Variants in MUC4 observed in about 807,000 individuals in gnomAD.
The protein encoded by MUC4 is mucin 4, cell surface associated.
In MUC4, 202 loss-of-function variants were observed where a neutral mutation model predicts 257.9. The ratio of observed to expected loss-of-function variants is 0.78; its 90% confidence interval spans 0.70 to 0.88. The LOEUF (loss-of-function observed/expected upper bound fraction) is 0.88, where lower values mean the gene tolerates loss of function less well. Ranked by LOEUF, MUC4 falls within the 40% of genes least tolerant of loss-of-function variation. The pLI is 0.00. For missense variants in MUC4, 5,976 were observed against 6,513.7 expected (o/e 0.92, Z 2.84); for synonymous variants, 2,351 against 2,757.1 (o/e 0.85, Z 4.62).
intron 1 of MUC4, 65 bp downstream of exon 1, chr3:195,811,671 T>A: frequency 6.7e-7 from 1 of 1,487,790 alleles, no homozygotes; most frequent in Non-Finnish European, 9.4e-7. Context: ...CCTCTTTCTC[T>A]GACAGCTCCC....
At chr3:195,795,337 A>G (rs987501994) in intron 1 of MUC4, among the ~76,000 whole-genome samples, 12 of 152,186 alleles carry the variant, frequency 7.9e-5, no homozygotes, top group African/African-American at 1.2e-4. Flanking sequence ...AAGTTTCATG[A>G]CAGCACCGTC....
At chr3:195,759,442 C>G (rs971045844) in intron 16 of MUC4, among the ~76,000 whole-genome samples, 181 bp from the exon 17 acceptor site, 4 of 152,152 alleles carry the variant, frequency 2.6e-5, no homozygotes, top group African/African-American at 9.7e-5. Flanking sequence ...GACTGTACTG[C>G]CCACCTAGCC....
intron 16 of MUC4, among the ~76,000 whole-genome samples, chr3:195,759,568 T>G (rs1577980694): frequency 6.6e-6 from 1 of 152,172 alleles, no homozygotes; most frequent in East Asian, 1.9e-4. Context: ...AGCAGATTTG[T>G]TTGGACCATT....
chr3:195,811,335 G>A (rs1185225533), intron 1 of MUC4, among the ~76,000 whole-genome samples: 6 of 151,954 alleles, frequency 3.9e-5, no homozygotes, highest in South Asian at 2.1e-4. Context: ...CACCACGACC[G>A]GCTAATTTTT....
chr3:195,755,978 A>T lies in MUC4; in HGVS notation c.15168+1169T>A, dbSNP rs1717572731. On this transcript the variant is annotated intron_variant, in intron 18 of 24. Coordinates refer to ENST00000463781, the MANE Select transcript of MUC4 (RefSeq NM_018406.7). This position sits in a 1 kb window ranked among gnomAD's most constrained non-coding sequence, Gnocchi z 5.0. Reference sequence around the variant, plus strand: ...TTACAACCAAAAATAAAAATAAAAAAGCAGATAGGACAAGAGTCGTGGAAT... The same window carrying T: ...TTACAACCAAAAATAAAAATAAAAATGCAGATAGGACAAGAGTCGTGGAAT... Among the ~76,000 whole-genome samples the T allele has an allele frequency of 6.6e-6, 1 of 152,222 alleles. No homozygotes were observed. The highest frequency in any genetic ancestry group is 2.1e-4 in the South Asian group (1 of 4,828).
At chr3:195,756,575 C>T (rs1410046954) in intron 18 of MUC4, among the ~76,000 whole-genome samples, 1 of 151,246 alleles carries the variant, frequency 6.6e-6, no homozygotes, top group Non-Finnish European at 1.5e-5. Flanking sequence ...TTCTTTCTTT[C>T]TTTCTTTTTC....
At chr3:195,767,228 T>C (rs1258567026) in intron 7 of MUC4, among the ~76,000 whole-genome samples, 9 of 152,102 alleles carry the variant, frequency 5.9e-5, no homozygotes, top group African/African-American at 2.2e-4. Flanking sequence ...CTCTGATTCT[T>C]AGTTTTCACA....
chr3:195,795,843 GGGA>G (rs201174587), intron 1 of MUC4, among the ~76,000 whole-genome samples: 1,505 of 60,406 alleles, frequency 0.025, 75 homozygotes, highest in African/African-American at 0.085. Flanking sequence ...AAGAAAGTGG[GGGA>G]GGGGGGTGGG....
At chr3:195,802,689 C>G (rs960511462) in intron 1 of MUC4, among the ~76,000 whole-genome samples, 2 of 152,128 alleles carry the variant, frequency 1.3e-5, no homozygotes, top group Non-Finnish European at 1.5e-5. Context: ...CAAGAATGAC[C>G]TTCGTCTGGT....
chr3:195,775,950 C>A (rs1486534753), intron 3 of MUC4, among the ~76,000 whole-genome samples: 3 of 36,504 alleles, frequency 8.2e-5, no homozygotes, highest in Non-Finnish European at 1.0e-4. Context: ...CCTTCCACAC[C>A]CATACCTTCC....
chr3:195,754,134 G>A (rs1277504133), intron 19 of MUC4, 79 bp downstream of exon 19: 1 of 1,475,776 alleles, frequency 6.8e-7, no homozygotes, highest in Non-Finnish European at 9.1e-7. Flanking sequence ...GAGAGAAATG[G>A]TTTGCCTTTG....
intron 1 of MUC4, among the ~76,000 whole-genome samples, chr3:195,798,429 C>A (rs3096343): frequency 0.46 from 69,463 of 152,006 alleles, 17,587 homozygotes; most frequent in East Asian, 0.75. Context: ...TTAGGCCAGG[C>A]GTGGTGGCTC....
chr3:195,767,677 ACCATCAC>A lies in MUC4; in HGVS notation c.13530-933_13530-927del, dbSNP rs1721374129. ...CACCACCACCACCATCACCATCACC[ACCATCAC>A]TGGCCACCCCCCAAAAAATACCACC... On this transcript the variant is annotated intron_variant, in intron 7 of 24. Transcript: ENST00000463781. Among the ~76,000 whole-genome samples, 2 of 3,792 alleles carry A rather than the reference ACCATCAC, an allele frequency of 5.3e-4. 1 individual carries two copies. Among genetic ancestry groups the A allele is most frequent in the Non-Finnish European group, 8.8e-4 (2 of 2,260 alleles). The allele number at this position is 3,792 out of a possible 152,430, so 2.5% of individuals were successfully genotyped here.
At chr3:195,778,221 G>T in intron 3 of MUC4, 82 bp downstream of exon 3, 1 of 1,477,496 alleles carries the variant, frequency 6.8e-7, no homozygotes, top group Non-Finnish European at 9.1e-7. Flanking sequence ...CGAGAGAGCG[G>T]AGACTGTGGG....
At chr3:195,802,663 G>T (rs977908533) in intron 1 of MUC4, among the ~76,000 whole-genome samples, 1 of 152,176 alleles carries the variant, frequency 6.6e-6, no homozygotes, top group Non-Finnish European at 1.5e-5. Flanking sequence ...AGAATCCTCA[G>T]AGGGAGGCCA....
At chr3:195,749,149 T>C (rs1404918689) in intron 23 of MUC4, 85 bp from the exon 24 acceptor site, 2 of 1,506,858 alleles carry the variant, frequency 1.3e-6, no homozygotes, top group African/African-American at 2.8e-5. Flanking sequence ...CCTTTTCGGG[T>C]GTTTATCCTG....
chr3:195,754,807 T>C (rs987620685), intron 18 of MUC4, among the ~76,000 whole-genome samples: 3 of 149,476 alleles, frequency 2.0e-5, no homozygotes, highest in African/African-American at 2.5e-5. Flanking sequence ...TGTATGCATG[T>C]ATGTATCCAT....
chr3:195,774,148 G>A, intron 4 of MUC4, 24 bp downstream of exon 4: 3 of 1,587,190 alleles, frequency 1.9e-6, no homozygotes, highest in Non-Finnish European at 2.6e-6. Context: ...AGTTCAGGCT[G>A]CGCGGGCCGC....
At chr3:195,761,373 T>C in intron 15 of MUC4, 111 bp downstream of exon 15, 1 of 980,598 alleles carries the variant, frequency 1.0e-6, no homozygotes, top group East Asian at 2.4e-5. Flanking sequence ...CACAGATTCC[T>C]CAGACCTTAG....
Sources: allele counts gnomAD v4.1 joint callset (sites outside exome capture counted in the v4.1 genomes callset), GRCh38; gene constraint gnomAD v4.1.1; non-coding constraint Gnocchi (gnomAD v3.1); transcripts MANE v1.5; gene names NCBI Gene and HGNC (gene_info 2026-07-23, HGNC 2026-07-21).